Variants in BDP1 observed in about 807,000 individuals in gnomAD.
BDP1 encodes transcription factor TFIIIB component B'' homolog.
Under a neutral mutation model 266.6 loss-of-function variants are expected in BDP1, and 169 were observed. The observed-to-expected ratio is 0.63, with a 90% CI of 0.56 to 0.72. The LOEUF is 0.72. Among genes scored for constraint, BDP1 ranks in the 30% least tolerant of loss-of-function variants. The pLI is 0.00. For missense variants in BDP1, 3,015 were observed against 3,053.8 expected, an observed-to-expected ratio of 0.99 and a Z score of 0.30; for synonymous variants, 1,090 against 1,022.4, an observed-to-expected ratio of 1.07 and a Z score of -1.26.
intron 32 of BDP1, among the ~76,000 whole-genome samples, chr5:71,547,437 A>G (rs1011747115): frequency 6.6e-6 from 1 of 152,190 alleles, no homozygotes; most frequent in African/African-American, 2.4e-5. Flanking sequence ...CGGGAGACAC[A>G]TAATGTCAGT....
rs183832170 is a variant in BDP1, at chr5:71,523,041, G to C, written c.5387+92G>C. The C allele has an allele frequency of 3.9e-6, 4 of 1,034,352 alleles. No homozygotes were observed. In the Admixed American group the frequency reaches 8.6e-5, roughly 22 times the overall value. The allele number at this position is 1,034,352 out of a possible 1,614,324, so 64.1% of individuals were successfully genotyped here. On this transcript the variant is annotated intron_variant, in intron 24 of 38. Coordinates refer to ENST00000358731, the MANE Select transcript of BDP1 (RefSeq NM_018429.3). Reference sequence around the variant, plus strand: ...TACTGGTAGAACAAAATTTTTGGGTGTTGAGTCCATTAGACATGGGTAGAA... The same window carrying C: ...TACTGGTAGAACAAAATTTTTGGGTCTTGAGTCCATTAGACATGGGTAGAA...
At chr5:71,559,109 G>A (rs545719966) in intron 36 of BDP1, among the ~76,000 whole-genome samples, 3 of 152,192 alleles carry the variant, frequency 2.0e-5, no homozygotes, top group East Asian at 1.9e-4. Context: ...AGCCGAGATC[G>A]CGCCTCTGCA....
Position 71,560,078 on chromosome 5 carries a change from G to A in BDP1, c.7337G>A (p.Ser2446Asn). 1.9e-6 allele frequency: 3 copies of A among 1,614,058 alleles called. No homozygotes were observed. The highest frequency in any genetic ancestry group is 2.5e-6 in the Non-Finnish European group (3 of 1,180,004). Reference protein sequence around the residue: ...QRQQVEAAFQSRGSRSPDACM... With the variant: ...QRQQVEAAFQNRGSRSPDACM... ...CAGCAAGTTGAAGCAGCTTTTCAGA[G>A]TAGAGGATCTAGATCTCCTGATGCA... Residue 2446 changes from serine (S) to asparagine (N), a missense_variant, in exon 37 of 39, where the codon AGT becomes AAT. Physicochemically the swap from Ser to Asn is conservative, Grantham distance 46. Around this residue, in one of 3 missense-constraint regions of BDP1, gnomAD observed 629 missense variants for 632.5 expected, o/e 0.99. Coordinates refer to ENST00000358731, the MANE Select transcript of BDP1 (RefSeq NM_018429.3).
chr5:71,518,680 C>G (rs1162406848), intron 22 of BDP1, among the ~76,000 whole-genome samples: 6 of 151,996 alleles, frequency 3.9e-5, no homozygotes. Flanking sequence ...TCCTGAACTC[C>G]TGAGCTCAAG....
intron 2 of BDP1, 133 bp downstream of exon 2, chr5:71,458,988 C>CATTAA: frequency 1.3e-6 from 1 of 782,784 alleles, no homozygotes; most frequent in Non-Finnish European, 2.0e-6. Context: ...ATAGAACATC[C>CATTAA]CTTCTTGTTA....
At chr5:71,570,358 A>G (rs1029816068), downstream of BDP1, among the ~76,000 whole-genome samples, 2 of 152,180 alleles carry the variant, frequency 1.3e-5, no homozygotes, top group Non-Finnish European at 2.9e-5. Flanking sequence ...TGAAGCCACA[A>G]TTACAAAATC....
At chr5:71,495,505 AATAC>A (rs1763831370) in intron 12 of BDP1, 97 bp downstream of exon 12, 1 of 708,108 alleles carries the variant, frequency 1.4e-6, no homozygotes, top group Non-Finnish European at 2.2e-6. Flanking sequence ...GGGGATTATT[AATAC>A]ATACTTTATT....
chr5:71,526,542 G>C (rs1765889479), intron 25 of BDP1, among the ~76,000 whole-genome samples: 1 of 145,382 alleles, frequency 6.9e-6, no homozygotes. Flanking sequence ...CTTGAACCCG[G>C]GAAGCGGAGG....
chr5:71,502,089 A>G (rs889396478), intron 14 of BDP1, among the ~76,000 whole-genome samples: 2 of 152,066 alleles, frequency 1.3e-5, no homozygotes, highest in African/African-American at 4.8e-5. Flanking sequence ...GTAGTATTCT[A>G]TGCTTGGCAG....
the BDP1 span, among the ~76,000 whole-genome samples, chr5:71,575,191 A>C: frequency 1.3e-5 from 2 of 152,248 alleles, no homozygotes; most frequent in African/African-American, 4.8e-5. Context: ...GTTGAAGAAC[A>C]TGGGATATCA....
intron 22 of BDP1, among the ~76,000 whole-genome samples, chr5:71,520,157 GT>G: frequency 6.6e-6 from 1 of 151,916 alleles, no homozygotes; most frequent in East Asian, 1.9e-4. Flanking sequence ...CAGATTATTT[GT>G]TTTTTTGCTA....
intron 16 of BDP1, among the ~76,000 whole-genome samples, chr5:71,506,061 A>C (rs1764558309): frequency 6.6e-6 from 1 of 152,194 alleles, no homozygotes; most frequent in African/African-American, 2.4e-5. Context: ...GTATGACTAC[A>C]TTGCTTGCTG....
intron 19 of BDP1, among the ~76,000 whole-genome samples, chr5:71,513,732 T>C (rs943249128): frequency 1.3e-5 from 2 of 152,084 alleles, no homozygotes; most frequent in African/African-American, 2.4e-5. Context: ...TTTATTTTTA[T>C]TTTTTTGAGA....
intron 36 of BDP1, among the ~76,000 whole-genome samples, chr5:71,559,722 A>G (rs1420149544): frequency 6.6e-6 from 1 of 152,186 alleles, no homozygotes; most frequent in Non-Finnish European, 1.5e-5. Context: ...TTGCTCAGGA[A>G]ATATTTCTGG....
At chr5:71,523,847 C>CT in intron 24 of BDP1, 92 bp from the exon 25 acceptor site, 1 of 1,273,456 alleles carries the variant, frequency 7.9e-7, no homozygotes, top group Non-Finnish European at 1.1e-6. Context: ...ATTTTAATGA[C>CT]TGGAACTGGA....
At chr5:71,533,706 C>T (rs1246867019) in intron 26 of BDP1, among the ~76,000 whole-genome samples, 2 of 151,990 alleles carry the variant, frequency 1.3e-5, no homozygotes, top group East Asian at 3.9e-4. Flanking sequence ...TCAAGTGATA[C>T]TTTTACCTCA....
chr5:71,504,650 T>TA lies in BDP1; in HGVS notation c.2274dup (p.Asp759ArgfsTer3). 6.2e-7 allele frequency: 1 copy of TA among 1,613,594 alleles called. No individual in the cohort carries two copies. The highest frequency in any genetic ancestry group is 8.5e-7 in the Non-Finnish European group (1 of 1,179,784). On this transcript the variant is annotated frameshift_variant, in exon 16 of 39. Coordinates refer to ENST00000358731, the MANE Select transcript of BDP1 (RefSeq NM_018429.3). LOFTEE classifies it high-confidence loss of function. ...CTCAACACATGGAAGATCAATCGCGTAAAGATTTTGAAGAGGAAGATGTCA... is the reference window on the plus strand; with the variant it reads ...CTCAACACATGGAAGATCAATCGCGTAAAAGATTTTGAAGAGGAAGATGTCA...
At chr5:71,501,788 TA>T (rs764182005) in intron 14 of BDP1, 135 bp downstream of exon 14, 6 of 616,386 alleles carry the variant, frequency 9.7e-6, no homozygotes, top group East Asian at 8.4e-5. Context: ...TTTTCAACCA[TA>T]GGTGGTTTTG....
chr5:71,553,910 G>A (rs917122187), intron 35 of BDP1, among the ~76,000 whole-genome samples: 1 of 152,108 alleles, frequency 6.6e-6, no homozygotes, highest in African/African-American at 2.4e-5. Context: ...ACATTCCCTT[G>A]AAAAACATAC....
Sources: gnomAD v4.1 joint callset for allele counts (sites outside exome capture counted in the v4.1 genomes callset) on GRCh38, gnomAD v4.1.1 for gene constraint, gnomAD v4.1.1 regional missense constraint, MANE v1.5 for transcripts, NCBI Gene and HGNC (gene_info 2026-07-23, HGNC 2026-07-21) for gene names.